The following FMN1 variants were observed in gnomAD, a reference collection of about 807,000 sequenced individuals.
FMN1 encodes the protein formin-1.
A neutral mutation model predicts 132.4 loss-of-function variants in FMN1; 110 were observed. That is an observed-to-expected ratio of 0.83 (90% CI 0.71 to 0.97). The LOEUF (loss-of-function observed/expected upper bound fraction) is 0.97, where lower values mean the gene tolerates loss of function less well. Among genes scored for constraint, FMN1 ranks in the 50% least tolerant of loss-of-function variants. The pLI is 0.00. For missense variants in FMN1, 1,792 were observed against 1,705.3 expected (o/e 1.05, Z -0.90); for synonymous variants, 722 against 651.7 (o/e 1.11, Z -1.64).
chr15:33,126,638 T>TAAGTTGCAAATCCTGGCAGCATGC (rs145094298), intron 4 of FMN1, among the ~76,000 whole-genome samples: 45,112 of 151,650 alleles, frequency 0.3, 7,312 homozygotes, highest in East Asian at 0.64. Flanking sequence ...GCGGAAGTGT[T>TAAGTTGCAAATCCTGGCAGCATGC]AAGTTGCAAA....
intron 6 of FMN1, among the ~76,000 whole-genome samples, chr15:33,018,364 T>C (rs1405169456): frequency 6.6e-6 from 1 of 151,964 alleles, no homozygotes; most frequent in Non-Finnish European, 1.5e-5. Flanking sequence ...CAAGACATGA[T>C]TAGAGGGTTG....
chr15:32,918,803 T>C (rs976032950), intron 10 of FMN1, among the ~76,000 whole-genome samples: 1 of 152,140 alleles, frequency 6.6e-6, no homozygotes, highest in Admixed American at 6.5e-5. Context: ...TCTCAGCCAG[T>C]TGCCTGAAGG....
chr15:33,032,242 A>G (rs1354444796), intron 6 of FMN1, among the ~76,000 whole-genome samples: 2 of 152,202 alleles, frequency 1.3e-5, no homozygotes, highest in Non-Finnish European at 2.9e-5. Context: ...ATGCAACACT[A>G]AACGAGTACA....
intron 4 of FMN1, among the ~76,000 whole-genome samples, chr15:33,136,605 G>C (rs1258006067): frequency 1.3e-5 from 2 of 152,080 alleles, no homozygotes; most frequent in Non-Finnish European, 2.9e-5. Context: ...GGCTCTACAG[G>C]GTTTGGCTCT....
chr15:32,798,216 A>ACACACACACACACC (rs1286307994), intron 19 of FMN1, among the ~76,000 whole-genome samples: 4 of 140,986 alleles, frequency 2.8e-5, no homozygotes, highest in African/African-American at 7.8e-5. Flanking sequence ...ACACACACAC[A>ACACACACACACACC]CCCCGTCTAT....
At chr15:33,125,704 C>CAAA (rs58963131) in intron 4 of FMN1, among the ~76,000 whole-genome samples, 5 of 144,248 alleles carry the variant, frequency 3.5e-5, no homozygotes, top group African/African-American at 1.0e-4. Context: ...TCAGGTGTCT[C>CAAA]AAAAAAAAAA....
chr15:33,083,456 C>T (rs752498831), intron 5 of FMN1, among the ~76,000 whole-genome samples: 6 of 152,230 alleles, frequency 3.9e-5, no homozygotes, highest in East Asian at 1.9e-4. Flanking sequence ...TGCGTCCCAA[C>T]AACTCACCTC....
intron 17 of FMN1, among the ~76,000 whole-genome samples, chr15:32,835,188 G>A (rs899017869): frequency 1.2e-4 from 18 of 152,140 alleles, no homozygotes; most frequent in Non-Finnish European, 1.6e-4. Flanking sequence ...AGCCTAGCTG[G>A]GATACGTGTC....
intron 17 of FMN1, among the ~76,000 whole-genome samples, chr15:32,855,062 G>A (rs963317709): frequency 6.8e-6 from 1 of 147,336 alleles, no homozygotes; most frequent in African/African-American, 2.5e-5. Context: ...CTAACCTATA[G>A]CAGGCTCAGA....
intron 13 of FMN1, 41 bp from the exon 14 acceptor site, chr15:32,900,166 A>G: frequency 5.6e-6 from 9 of 1,609,140 alleles, no homozygotes; most frequent in Non-Finnish European, 7.6e-6. Flanking sequence ...CTGAACTCCA[A>G]ATGCACCCAT....
At chr15:32,855,976 G>C (rs1025405696) in intron 17 of FMN1, among the ~76,000 whole-genome samples, 1 of 152,182 alleles carries the variant, frequency 6.6e-6, no homozygotes, top group Non-Finnish European at 1.5e-5. Context: ...TAATGGCTGA[G>C]AGAGAAATCT....
At position 33,044,430 on chromosome 15, in the gene FMN1, A is replaced by C. The variant is rs556064068; in HGVS notation, c.2161+20527T>G. ...TATGGCCACCCATGGACCAATCAGC[A>C]TGTATTTCCTCTCCTCCGAAGCCCA... On this transcript the variant is annotated intron_variant, in intron 6 of 20. Transcript: ENST00000616417. Among the ~76,000 whole-genome samples the C allele has an allele frequency of 2.0e-5, 3 of 152,288 alleles. 1 individual carries two copies. The South Asian group carries it at 6.2e-4, about 32-fold the overall frequency.
chr15:32,792,110 G>A (rs1223092442), intron 19 of FMN1, among the ~76,000 whole-genome samples: 1 of 152,004 alleles, frequency 6.6e-6, no homozygotes, highest in Non-Finnish European at 1.5e-5. Context: ...CACCTTCGCA[G>A]AGAGACCCAA....
At chr15:33,007,356 T>G (rs2034475215) in intron 7 of FMN1, among the ~76,000 whole-genome samples, 1 of 152,170 alleles carries the variant, frequency 6.6e-6, no homozygotes, top group Non-Finnish European at 1.5e-5. Context: ...CAAGTCTCAG[T>G]GCCTGATTCA....
At chr15:33,105,524 A>G (rs1195825234) in intron 4 of FMN1, among the ~76,000 whole-genome samples, 2 of 152,142 alleles carry the variant, frequency 1.3e-5, no homozygotes, top group East Asian at 3.9e-4. Context: ...AGACCAGCTG[A>G]AATGCTGCCT....
At chr15:32,777,552 T>TATAACATATAACACTTTATATATTACGC in intron 19 of FMN1, among the ~76,000 whole-genome samples, 1 of 147,420 alleles carries the variant, frequency 6.8e-6, no homozygotes, top group East Asian at 2.0e-4. Flanking sequence ...ATATATTACG[T>TATAACATATAACACTTTATATATTACGC]ATAACATATA....
At chr15:32,958,874 T>C (rs995455783) in intron 9 of FMN1, among the ~76,000 whole-genome samples, 2 of 151,926 alleles carry the variant, frequency 1.3e-5, no homozygotes, top group Admixed American at 6.6e-5. Flanking sequence ...AAAGCCCGTC[T>C]CTACTAAAAA....
At chr15:32,926,129 T>G in intron 10 of FMN1, 45 bp downstream of exon 10, 4 of 1,078,034 alleles carry the variant, frequency 3.7e-6, no homozygotes, top group Non-Finnish European at 5.4e-6. Flanking sequence ...GAAATGTTTT[T>G]TAAAAAATGG....
intron 8 of FMN1, among the ~76,000 whole-genome samples, chr15:32,967,279 G>A (rs1184918705): frequency 6.6e-6 from 1 of 152,214 alleles, no homozygotes; most frequent in Non-Finnish European, 1.5e-5. Flanking sequence ...GATGGCTGCT[G>A]TGGTCCACAG....
Sources: allele counts gnomAD v4.1 joint callset (sites outside exome capture counted in the v4.1 genomes callset), GRCh38; gene constraint gnomAD v4.1.1; transcripts MANE v1.5; gene names NCBI Gene and HGNC (gene_info 2026-07-23, HGNC 2026-07-21).